Variants in FGD6 observed in about 807,000 individuals in gnomAD.
FGD6 encodes the protein FYVE, RhoGEF and PH domain containing 6, also known as FYVE, RhoGEF and PH domain-containing protein 6.
In FGD6, 90 loss-of-function variants were observed where a neutral mutation model predicts 149.4. The observed-to-expected ratio is 0.60, with a 90% confidence interval of 0.51 to 0.72. The LOEUF is 0.72. Among genes scored for constraint, FGD6 ranks in the 30% least tolerant of loss-of-function variants. FGD6 has a pLI of 0.00. For missense variants in FGD6, 1,437 were observed against 1,684.8 expected, an observed-to-expected ratio of 0.85 and a Z score of 2.57; for synonymous variants, 527 against 584.0, an observed-to-expected ratio of 0.90 and a Z score of 1.41.
chr12:95,102,433 G>A (rs1401987082), intron 14 of FGD6, among the ~76,000 whole-genome samples: 2 of 112,672 alleles, frequency 1.8e-5, no homozygotes, highest in African/African-American at 3.6e-5. Flanking sequence ...GACAGAGCGA[G>A]ACCCTTTCTC....
intron 19 of FGD6, among the ~76,000 whole-genome samples, chr12:95,084,914 G>A (rs1877808895): frequency 6.6e-6 from 1 of 152,096 alleles, no homozygotes; most frequent in African/African-American, 2.4e-5. Context: ...CTAAACCAAG[G>A]AAGGCACGTG....
intron 5 of FGD6, among the ~76,000 whole-genome samples, chr12:95,147,904 A>G (rs1880062110): frequency 6.6e-6 from 1 of 152,176 alleles, no homozygotes; most frequent in Non-Finnish European, 1.5e-5. Flanking sequence ...ATCATTTAAG[A>G]TCCACAAGTC....
At chr12:95,205,252 A>G (rs1420793934) in intron 2 of FGD6, among the ~76,000 whole-genome samples, 12 of 148,780 alleles carry the variant, frequency 8.1e-5, no homozygotes, top group South Asian at 4.3e-4. Context: ...TGGGCAACAC[A>G]GCATGACTCT....
At chr12:95,202,390 A>AAAAATTAAATAAAATAAAAT (rs2056668336) in intron 2 of FGD6, among the ~76,000 whole-genome samples, 1 of 141,708 alleles carries the variant, frequency 7.1e-6, no homozygotes. Flanking sequence ...CCATTTCCCA[A>AAAAATTAAATAAAATAAAAT]AAAATAAAAT....
At chr12:95,184,976 C>T (rs2136290109) in intron 2 of FGD6, among the ~76,000 whole-genome samples, 1 of 152,276 alleles carries the variant, frequency 6.6e-6, no homozygotes, top group Non-Finnish European at 1.5e-5. Flanking sequence ...CAGGTTCAAG[C>T]AATTCACTTG....
intron 3 of FGD6, among the ~76,000 whole-genome samples, chr12:95,168,695 TCTA>T (rs1406505572): frequency 3.3e-5 from 5 of 151,888 alleles, no homozygotes; most frequent in African/African-American, 1.2e-4. Flanking sequence ...TAGGTAAAAA[TCTA>T]CTAAGCATTC....
At chr12:95,136,463 T>C (rs1385730844) in intron 7 of FGD6, among the ~76,000 whole-genome samples, 1 of 152,208 alleles carries the variant, frequency 6.6e-6, no homozygotes, top group Non-Finnish European at 1.5e-5. Flanking sequence ...AACAGAGAAG[T>C]ACTAAAATAC....
At chr12:95,198,671 C>G (rs1014364323) in intron 2 of FGD6, among the ~76,000 whole-genome samples, 2 of 152,160 alleles carry the variant, frequency 1.3e-5, no homozygotes, top group African/African-American at 4.8e-5. Context: ...GATCTGACCT[C>G]GAGATCCACC....
chr12:95,138,867 G>C (rs1043465749), intron 6 of FGD6, among the ~76,000 whole-genome samples: 18 of 152,144 alleles, frequency 1.2e-4, no homozygotes, highest in African/African-American at 4.1e-4. Context: ...CTGCAACTCA[G>C]AAACTGCTTC....
chr12:95,129,923 C>A (rs1012893885), intron 8 of FGD6, among the ~76,000 whole-genome samples: 8 of 152,150 alleles, frequency 5.3e-5, no homozygotes, highest in African/African-American at 1.9e-4. Flanking sequence ...ATCTGCCCAC[C>A]TCAGCTTCCC....
intron 3 of FGD6, among the ~76,000 whole-genome samples, chr12:95,161,445 G>C (rs371853075): frequency 1.3e-5 from 2 of 151,214 alleles, no homozygotes; most frequent in African/African-American, 4.9e-5. Context: ...GCAGTGAGCC[G>C]AGATCACACC....
At chr12:95,181,199 C>G (rs1471546417) in intron 2 of FGD6, among the ~76,000 whole-genome samples, 1 of 152,114 alleles carries the variant, frequency 6.6e-6, no homozygotes, top group Non-Finnish European at 1.5e-5. Flanking sequence ...TGTTCAACAG[C>G]CTGCAGGGCC....
chr12:95,152,560 G>C (rs1344764655), intron 5 of FGD6, among the ~76,000 whole-genome samples: 1 of 152,124 alleles, frequency 6.6e-6, no homozygotes, highest in South Asian at 2.1e-4. Context: ...AACTCTAACA[G>C]CAAGTATCTT....
chr12:95,203,429 T>G (rs796996986), intron 2 of FGD6, among the ~76,000 whole-genome samples: 22 of 152,250 alleles, frequency 1.4e-4, no homozygotes, highest in African/African-American at 4.8e-4. Flanking sequence ...AAAACTGCTC[T>G]CACCAACATT....
chr12:95,092,630 T>C, intron 16 of FGD6, 69 bp downstream of exon 16: 1 of 1,485,746 alleles, frequency 6.7e-7, no homozygotes. Flanking sequence ...AGGGGAAATA[T>C]GCTTCCTCAC....
At chr12:95,166,981 C>G (rs962112676) in intron 3 of FGD6, among the ~76,000 whole-genome samples, 1 of 151,100 alleles carries the variant, frequency 6.6e-6, no homozygotes, top group African/African-American at 2.4e-5. Flanking sequence ...CTCAGCCTCC[C>G]AAGTAGCTGG....
rs957869822 is a variant in FGD6, at chr12:95,212,969, T to A, written c.17-1702A>T. Among the ~76,000 whole-genome samples, 3 of 152,252 alleles carry A rather than the reference T, an allele frequency of 2.0e-5. No homozygotes were observed. In the East Asian group the frequency reaches 5.8e-4, roughly 29 times the overall value. On this transcript the variant is annotated intron_variant, in intron 1 of 20. Transcript: ENST00000343958. The stretch of plus-strand genomic sequence containing the variant: ...GTATAATGTCATCATCAATAAAAAA[T>A]TATTTTCAAAATAATGCAAATTCCT...
At position 95,209,771 on chromosome 12, in the gene FGD6, G is replaced by A. The variant is rs1324905576; in HGVS notation, c.1513C>T (p.Pro505Ser). ...VPKKPQRHSL[P>S]ATGVLKKAAS... ...GCCTTTTTAAGCACTCCTGTAGCAG[G>A]CAAGCTATGTCTTTGAGGTTTTTTG... Residue 505 changes from proline (P) to serine (S), a missense_variant, in exon 2 of 21, where the codon CCT becomes TCT. Transcript: ENST00000343958. 1 of 1,613,310 alleles carries A rather than the reference G, an allele frequency of 6.2e-7. No individual in the cohort carries two copies. Among genetic ancestry groups the A allele is most frequent in the African/African-American group, 1.3e-5 (1 of 74,792 alleles).
In FGD6 at chr12:95,085,797, T is replaced by C. The variant is rs928841084; in HGVS notation, c.4090A>G (p.Thr1364Ala). 18 of 1,612,690 alleles carry C rather than the reference T, an allele frequency of 1.1e-5. No individual in the cohort carries two copies. Among genetic ancestry groups the C allele is most frequent in the Non-Finnish European group, 1.5e-5 (18 of 1,179,616 alleles). The change falls in exon 19 of 21, where the codon ACA becomes GCA. Residue 1364 changes from threonine to alanine, a missense_variant. This residue lies in a region of FGD6 where 382 missense variants were observed against 538.7 expected (regional missense o/e 0.71). Transcript: ENST00000343958. ...WFVIKNKVLY[T>A]YAASEDVAAL... ...GATCTTACCTCACTTGCAGCATATG[T>C]ATATAGTACTTTATTTTTTATGACA... is the stretch of plus-strand genomic sequence containing the variant.
Sources: allele counts gnomAD v4.1 joint callset (sites outside exome capture counted in the v4.1 genomes callset), GRCh38; gene constraint gnomAD v4.1.1; regional missense constraint gnomAD v4.1.1; transcripts MANE v1.5; gene names NCBI Gene and HGNC (gene_info 2026-07-23, HGNC 2026-07-21).